Variants in GPC5 observed in about 807,000 individuals in gnomAD.
The protein encoded by GPC5 is glypican 5, also known as glypican-5.
A neutral mutation model predicts 53.9 loss-of-function variants in GPC5; 47 were observed. The ratio of observed to expected loss-of-function variants is 0.87; its 90% CI spans 0.69 to 1.11. GPC5 has a LOEUF of 1.11. Among genes scored for constraint, GPC5 ranks in the 50% most tolerant of loss-of-function variants. GPC5 has a pLI of 0.00. For missense variants in GPC5, 748 were observed against 713.1 expected, an observed-to-expected ratio of 1.05 and a Z score of -0.56; for synonymous variants, 286 against 263.3, an observed-to-expected ratio of 1.09 and a Z score of -0.84.
chr13:92,287,111 C>A (rs2042961442), intron 7 of GPC5, among the ~76,000 whole-genome samples: 1 of 152,148 alleles, frequency 6.6e-6, no homozygotes, highest in African/African-American at 2.4e-5. Context: ...GGCAGCCTAA[C>A]AAACTAATGG....
At chr13:92,618,561 T>C (rs1308658749) in intron 7 of GPC5, among the ~76,000 whole-genome samples, 1 of 152,028 alleles carries the variant, frequency 6.6e-6, no homozygotes, top group African/African-American at 2.4e-5. Flanking sequence ...TTTAATTCTT[T>C]CTTCACTTTT....
intron 2 of GPC5, among the ~76,000 whole-genome samples, chr13:91,683,040 A>T (rs1162894584): frequency 6.7e-6 from 1 of 149,920 alleles, no homozygotes; most frequent in Admixed American, 6.7e-5. Context: ...TACATGGGGA[A>T]AAAAAAAAAG....
chr13:92,325,614 C>G (rs1024638775), intron 7 of GPC5, among the ~76,000 whole-genome samples: 1 of 151,996 alleles, frequency 6.6e-6, no homozygotes, highest in African/African-American at 2.4e-5. Context: ...ACTAGGCAAA[C>G]AGATGATTGG....
At chr13:91,612,736 GATC>G (rs1488620649) in intron 2 of GPC5, among the ~76,000 whole-genome samples, 4 of 151,992 alleles carry the variant, frequency 2.6e-5, no homozygotes, top group African/African-American at 7.3e-5. Context: ...GTATTAAGTT[GATC>G]ATAACTCATC....
At chr13:91,752,741 C>T (rs1332499338) in intron 4 of GPC5, among the ~76,000 whole-genome samples, 2 of 152,142 alleles carry the variant, frequency 1.3e-5, no homozygotes, top group Non-Finnish European at 2.9e-5. Context: ...TGGTGGGTCT[C>T]ACGTCACATG....
chr13:92,237,764 A>G (rs2042580893), intron 7 of GPC5, among the ~76,000 whole-genome samples: 1 of 152,078 alleles, frequency 6.6e-6, no homozygotes, highest in South Asian at 2.1e-4. Context: ...CTACCACAAT[A>G]AATTTTAGAA....
chr13:92,851,230 A>T (rs1878788964), intron 7 of GPC5, among the ~76,000 whole-genome samples: 1 of 152,130 alleles, frequency 6.6e-6, no homozygotes, highest in African/African-American at 2.4e-5. Flanking sequence ...CACCTCCAGC[A>T]CTGGGGATTA....
chr13:92,538,590 C>A (rs1419011503), intron 7 of GPC5, among the ~76,000 whole-genome samples: 2 of 146,976 alleles, frequency 1.4e-5, no homozygotes, highest in Non-Finnish European at 1.5e-5. Context: ...TTAGGTATTT[C>A]TCCTAATGCT....
intron 2 of GPC5, among the ~76,000 whole-genome samples, chr13:91,523,492 T>A (rs1219099834): frequency 1.7e-4 from 26 of 152,194 alleles, no homozygotes; most frequent in Non-Finnish European, 1.5e-5. Flanking sequence ...AAATACTGCA[T>A]GATCTCACTT....
At chr13:92,758,736 A>G (rs1457530783) in intron 7 of GPC5, among the ~76,000 whole-genome samples, 2 of 152,096 alleles carry the variant, frequency 1.3e-5, no homozygotes, top group Non-Finnish European at 2.9e-5. Context: ...TGTAAAAAAT[A>G]ATAATTCAGA....
intron 2 of GPC5, among the ~76,000 whole-genome samples, chr13:91,601,884 G>C (rs1386920823): frequency 6.6e-6 from 1 of 152,168 alleles, no homozygotes; most frequent in Non-Finnish European, 1.5e-5. Flanking sequence ...CCCCATGCTG[G>C]TCTGTGGAAA....
intron 6 of GPC5, among the ~76,000 whole-genome samples, chr13:92,027,069 A>G (rs182814563): frequency 6.6e-6 from 1 of 152,220 alleles, no homozygotes; most frequent in Admixed American, 6.5e-5. Flanking sequence ...TCACCAATGA[A>G]TTAAATTGTA....
intron 2 of GPC5, among the ~76,000 whole-genome samples, chr13:91,666,638 A>G (rs956709689): frequency 3.1e-4 from 47 of 152,152 alleles, no homozygotes; most frequent in Non-Finnish European, 1.0e-4. Flanking sequence ...CCTGCTTTAT[A>G]TCACTTAATA....
intron 1 of GPC5, among the ~76,000 whole-genome samples, chr13:91,420,958 C>G (rs1878584314): frequency 6.6e-6 from 1 of 152,164 alleles, no homozygotes; most frequent in South Asian, 2.1e-4. Context: ...TGAAAATGGA[C>G]TAACACACTC....
At chr13:92,292,489 G>T (rs1210926497) in intron 7 of GPC5, among the ~76,000 whole-genome samples, 1 of 151,986 alleles carries the variant, frequency 6.6e-6, no homozygotes, top group African/African-American at 2.4e-5. Context: ...TTTGAGAATT[G>T]TCTATTCATG....
At chr13:91,572,777 A>C (rs1283762619) in intron 2 of GPC5, among the ~76,000 whole-genome samples, 1 of 152,048 alleles carries the variant, frequency 6.6e-6, no homozygotes, top group Non-Finnish European at 1.5e-5. Flanking sequence ...AGTCCTTCCC[A>C]AAAAAAGATA....
At chr13:92,114,266 C>T (rs900510365) in intron 6 of GPC5, among the ~76,000 whole-genome samples, 1 of 152,150 alleles carries the variant, frequency 6.6e-6, no homozygotes, top group African/African-American at 2.4e-5. Flanking sequence ...GTGTGATTCC[C>T]CAGGGCCAGC....
chr13:92,772,368 C>T (rs1875645720), intron 7 of GPC5, among the ~76,000 whole-genome samples: 1 of 152,134 alleles, frequency 6.6e-6, no homozygotes, highest in Admixed American at 6.6e-5. Flanking sequence ...CAGATTGTTC[C>T]ACCCAGTTGG....
At chr13:92,065,598 G>A (rs940498139) in intron 6 of GPC5, among the ~76,000 whole-genome samples, 1 of 152,070 alleles carries the variant, frequency 6.6e-6, no homozygotes, top group Non-Finnish European at 1.5e-5. Flanking sequence ...GTGTCTCCTA[G>A]TTTTAGATCG....
Sources: gnomAD v4.1 joint callset for allele counts (sites outside exome capture counted in the v4.1 genomes callset) on GRCh38, gnomAD v4.1.1 for gene constraint, MANE v1.5 for transcripts, NCBI Gene and HGNC (gene_info 2026-07-23, HGNC 2026-07-21) for gene names.